Variants in RAB37 observed in about 807,000 individuals in gnomAD.
The protein encoded by RAB37 is ras-related protein Rab-37.
Under a neutral mutation model 33.1 loss-of-function variants are expected in RAB37, and 29 were observed. The ratio of observed to expected loss-of-function variants is 0.88; its 90% CI spans 0.65 to 1.20. RAB37 has a LOEUF of 1.20. Among genes scored for constraint, RAB37 ranks in the 50% most tolerant of loss-of-function variants. RAB37 has a pLI of 0.00. For synonymous variants in RAB37, 128 were observed against 119.5 expected, an observed-to-expected ratio of 1.07 and a Z score of -0.47; for missense variants, 299 against 301.1, an observed-to-expected ratio of 0.99 and a Z score of 0.05.
At chr17:74,724,393 G>A (rs2034279785) in intron 1 of RAB37, among the ~76,000 whole-genome samples, 1 of 152,230 alleles carries the variant, frequency 6.6e-6, no homozygotes, top group South Asian at 2.1e-4. Context: ...GTGAGCAGAT[G>A]GGTGACTTAG....
intron 1 of RAB37, chr17:74,698,538 C>T: frequency 1.9e-6 from 3 of 1,553,868 alleles, no homozygotes; most frequent in Non-Finnish European, 2.6e-6. Context: ...CCTCTCAGCC[C>T]AATCCCACCC....
At chr17:74,714,709 G>A (rs2034139910) in intron 1 of RAB37, among the ~76,000 whole-genome samples, 1 of 152,176 alleles carries the variant, frequency 6.6e-6, no homozygotes, top group Non-Finnish European at 1.5e-5. Context: ...AAGGAAGGAA[G>A]AAAGGAAGGA....
chr17:74,725,875 C>T (rs1567808905), intron 1 of RAB37, among the ~76,000 whole-genome samples: 1 of 152,044 alleles, frequency 6.6e-6, no homozygotes, highest in Non-Finnish European at 1.5e-5. Flanking sequence ...CTTGGCCTCC[C>T]AAAGTGCTGG....
chr17:74,706,762 G>A (rs1212547652), intron 1 of RAB37, among the ~76,000 whole-genome samples: 2 of 152,244 alleles, frequency 1.3e-5, no homozygotes, highest in African/African-American at 4.8e-5. Flanking sequence ...ACCCTGGGAA[G>A]GGGTGAGGAC....
intron 1 of RAB37, chr17:74,705,095 G>C: frequency 1.5e-6 from 1 of 657,578 alleles, no homozygotes; most frequent in African/African-American, 1.8e-5. Context: ...TCCACCCTAC[G>C]GCCAAGGTAA....
chr17:74,685,253 C>T (rs569992052), intron 1 of RAB37, among the ~76,000 whole-genome samples: 44 of 152,188 alleles, frequency 2.9e-4, no homozygotes, highest in African/African-American at 9.4e-4. Context: ...GGCGCGATCT[C>T]GGCTCACTGC....
At chr17:74,679,429 G>T (rs903516480) in intron 1 of RAB37, among the ~76,000 whole-genome samples, 2 of 151,966 alleles carry the variant, frequency 1.3e-5, no homozygotes, top group Admixed American at 6.6e-5. Flanking sequence ...CCTTCTCTGG[G>T]TCCCACCTCA....
At chr17:74,705,318 C>A (rs1054152656) in intron 1 of RAB37, 4 of 683,376 alleles carry the variant, frequency 5.9e-6, no homozygotes, top group Non-Finnish European at 1.1e-5. Context: ...TGGAATAAAC[C>A]ACCCTGGATG....
At chr17:74,678,587 T>C (rs1471724927) in intron 1 of RAB37, among the ~76,000 whole-genome samples, 3 of 152,196 alleles carry the variant, frequency 2.0e-5, no homozygotes, top group African/African-American at 7.2e-5. Context: ...CAAATGCACA[T>C]GCTTTTAGGT....
At chr17:74,736,960 G>C (rs749641116), upstream of RAB37, 1 of 1,539,126 alleles carries the variant, frequency 6.5e-7, no homozygotes, top group African/African-American at 1.4e-5. Flanking sequence ...CCCGCGGCCC[G>C]CTCCCCCAGG....
chr17:74,710,463 A>G (rs553519877), intron 1 of RAB37, among the ~76,000 whole-genome samples: 1 of 152,386 alleles, frequency 6.6e-6, no homozygotes, highest in East Asian at 1.9e-4. Flanking sequence ...GCTAATAAAT[A>G]GTTGGAAAGT....
At chr17:74,708,655 A>G (rs1239938299) in intron 1 of RAB37, among the ~76,000 whole-genome samples, 5 of 152,186 alleles carry the variant, frequency 3.3e-5, no homozygotes, top group Non-Finnish European at 4.4e-5. Context: ...GGTGGCTTAC[A>G]CCGGTAATCC....
intron 1 of RAB37, among the ~76,000 whole-genome samples, chr17:74,719,400 G>A (rs943645140): frequency 2.6e-5 from 4 of 152,078 alleles, no homozygotes; most frequent in Admixed American, 6.6e-5. Context: ...GCAGTGACTC[G>A]TCATCATGAG....
At chr17:74,698,434 A>G (rs760947857) in intron 1 of RAB37, 6 of 1,614,024 alleles carry the variant, frequency 3.7e-6, no homozygotes, top group East Asian at 4.5e-5. Flanking sequence ...CAGCAGCAAT[A>G]TGGTGAAGAT....
rs1197992634 is a variant in RAB37 at position 74,746,846 on chromosome 17, A to C, written c.*1435A>C. On this transcript the variant is annotated 3_prime_UTR_variant, in exon 9 of 9. Coordinates refer to ENST00000392613, the MANE Select transcript of RAB37 (RefSeq NM_001006638.3). The surrounding 1 kb of genome is among the most constrained non-coding windows in gnomAD (Gnocchi z 5.2). ...ACCTCCCCTCCTACTGAGTCAGGTTAGGTGGTGGGAGGTCACCCATTTCCG... is the reference window on the plus strand; with the variant it reads ...ACCTCCCCTCCTACTGAGTCAGGTTCGGTGGTGGGAGGTCACCCATTTCCG... 6.6e-6 allele frequency: 1 copy of C among 152,218 alleles called. No individual in the cohort carries two copies. The highest frequency in any genetic ancestry group is 1.5e-5 in the Non-Finnish European group (1 of 68,056). 9.4% of individuals were successfully genotyped at this position (152,218 alleles called of 1,614,324 possible).
intron 1 of RAB37, among the ~76,000 whole-genome samples, chr17:74,727,892 G>A (rs1175904500): frequency 7.9e-5 from 12 of 151,936 alleles, no homozygotes. Flanking sequence ...ATGTTTGTGT[G>A]TATATCTGTG....
chr17:74,696,671 G>A (rs2032510864), intron 1 of RAB37, among the ~76,000 whole-genome samples: 1 of 152,176 alleles, frequency 6.6e-6, no homozygotes, highest in South Asian at 2.1e-4. Flanking sequence ...GGGGGCACTT[G>A]CTCTATGTCT....
chr17:74,691,818 AG>A (rs986949750), intron 1 of RAB37, among the ~76,000 whole-genome samples: 6 of 151,974 alleles, frequency 3.9e-5, no homozygotes, highest in African/African-American at 1.5e-4. Context: ...TATGCACAAT[AG>A]TTGAAATGGC....
intron 1 of RAB37, among the ~76,000 whole-genome samples, chr17:74,711,598 C>T (rs1435477250): frequency 6.6e-6 from 1 of 152,194 alleles, no homozygotes. Flanking sequence ...GCCGTGCTGA[C>T]CTCCCTCTTC....
Sources: allele counts gnomAD v4.1 joint callset (sites outside exome capture counted in the v4.1 genomes callset), GRCh38; gene constraint gnomAD v4.1.1; non-coding constraint Gnocchi (gnomAD v3.1); transcripts MANE v1.5; gene names NCBI Gene and HGNC (gene_info 2026-07-23, HGNC 2026-07-21).